Variants in ATP6V0E1 observed in about 807,000 individuals in gnomAD.
ATP6V0E1 encodes V-type proton ATPase subunit e 1.
A neutral mutation model predicts 11.6 loss-of-function variants in ATP6V0E1; 4 were observed. The observed-to-expected ratio is 0.35, with a 90% CI of 0.17 to 0.79. ATP6V0E1 has a LOEUF of 0.79. Ranked by LOEUF, ATP6V0E1 falls within the 30% of genes least tolerant of loss-of-function variation. The pLI is 0.54. For missense variants in ATP6V0E1, 105 were observed against 100.0 expected (o/e 1.05, Z -0.21); for synonymous variants, 36 against 34.8 (o/e 1.04, Z -0.13).
intron 1 of ATP6V0E1, among the ~76,000 whole-genome samples, chr5:172,993,465 C>A (rs2113582252): frequency 6.6e-6 from 1 of 152,162 alleles, no homozygotes; most frequent in Middle Eastern, 3.4e-3. Context: ...AAGATTGTGC[C>A]ACTGCACTCC....
At chr5:172,992,076 A>G (rs1048370082) in intron 1 of ATP6V0E1, among the ~76,000 whole-genome samples, 11 of 146,094 alleles carry the variant, frequency 7.5e-5, no homozygotes, top group Non-Finnish European at 1.5e-4. Context: ...TTTGAGACGG[A>G]GTCTCGCTCT....
intron 1 of ATP6V0E1, among the ~76,000 whole-genome samples, chr5:172,986,362 C>T (rs750837147): frequency 6.6e-5 from 10 of 152,136 alleles, no homozygotes; most frequent in African/African-American, 9.7e-5. Flanking sequence ...AGGCTGGGCA[C>T]GGTGGCTCAC....
At chr5:172,994,373 T>G (rs1195219511) in intron 1 of ATP6V0E1, among the ~76,000 whole-genome samples, 1 of 152,174 alleles carries the variant, frequency 6.6e-6, no homozygotes, top group Non-Finnish European at 1.5e-5. Flanking sequence ...TTTTCAGACA[T>G]GAATGGAGAT....
At chr5:173,021,734 A>G (rs1257958483) in intron 3 of ATP6V0E1, among the ~76,000 whole-genome samples, 1 of 152,144 alleles carries the variant, frequency 6.6e-6, no homozygotes, top group East Asian at 1.9e-4. Context: ...ATATAATCCA[A>G]GCCATATCAG....
intron 2 of ATP6V0E1, among the ~76,000 whole-genome samples, chr5:173,002,730 G>A (rs1756177895): frequency 6.6e-6 from 1 of 152,242 alleles, no homozygotes; most frequent in Non-Finnish European, 1.5e-5. Context: ...GCTCATGCCT[G>A]TAATCTCAGC....
chr5:173,030,511 G>A (rs1280319859), intron 3 of ATP6V0E1, among the ~76,000 whole-genome samples: 4 of 150,578 alleles, frequency 2.7e-5, no homozygotes, highest in African/African-American at 9.8e-5. Context: ...CATGATCTTG[G>A]CTTACTGCAA....
At position 172,998,275 on chromosome 5, in the gene ATP6V0E1, G is replaced by T. The variant is rs1756098247; in HGVS notation, c.152+3453G>T. On this transcript the variant is annotated intron_variant, in intron 2 of 3. Transcript: ENST00000519374. Reference sequence around the variant, plus strand: ...TAGCCTCCAGAGTGGAACACAGGTTGCATGTGGAGGGAATTCTTATCACTG... The same window carrying T: ...TAGCCTCCAGAGTGGAACACAGGTTTCATGTGGAGGGAATTCTTATCACTG... 3.6e-5 allele frequency among the ~76,000 whole-genome samples: 5 copies of T among 140,654 alleles called. No individual in the cohort carries two copies. In the Admixed American group the frequency reaches 3.8e-4, roughly 11 times the overall value. 92.3% of individuals were successfully genotyped at this position (140,654 alleles called of 152,430 possible).
chr5:173,017,840 C>CAAAAAAAAAAA (rs538210275), intron 2 of ATP6V0E1, among the ~76,000 whole-genome samples: 4 of 66,532 alleles, frequency 6.0e-5, no homozygotes, highest in Admixed American at 1.8e-4. Context: ...GACTCCTTCT[C>CAAAAAAAAAAA]AAAAAAAAAA....
At chr5:173,027,223 C>T (rs1756576537) in intron 3 of ATP6V0E1, among the ~76,000 whole-genome samples, 1 of 132,716 alleles carries the variant, frequency 7.5e-6, no homozygotes, top group Non-Finnish European at 1.6e-5. Context: ...CACGGTGGCT[C>T]ACGCCTGTAA....
intron 3 of ATP6V0E1, among the ~76,000 whole-genome samples, chr5:173,029,089 C>T (rs1361217805): frequency 3.3e-5 from 5 of 152,144 alleles, no homozygotes; most frequent in African/African-American, 1.2e-4. Context: ...GATAATTAGG[C>T]CTCTGCCCTG....
chr5:172,985,034 C>T (rs1488814110), intron 1 of ATP6V0E1, among the ~76,000 whole-genome samples: 1 of 152,154 alleles, frequency 6.6e-6, no homozygotes, highest in African/African-American at 2.4e-5. Flanking sequence ...ATCACGAGGT[C>T]AGGAGATCGA....
chr5:173,004,127 T>C (rs1186473480), intron 2 of ATP6V0E1, among the ~76,000 whole-genome samples: 2 of 152,142 alleles, frequency 1.3e-5, no homozygotes, highest in Non-Finnish European at 2.9e-5. Context: ...TGATGTTGTG[T>C]AGATGAGGAA....
chr5:172,997,512 A>C (rs1208357665), intron 2 of ATP6V0E1, among the ~76,000 whole-genome samples: 2 of 152,198 alleles, frequency 1.3e-5, no homozygotes, highest in Non-Finnish European at 2.9e-5. Flanking sequence ...TTGGAAGTGA[A>C]AGACTAAAGG....
intron 2 of ATP6V0E1, among the ~76,000 whole-genome samples, chr5:173,002,506 T>C (rs1408833759): frequency 6.6e-6 from 1 of 152,240 alleles, no homozygotes; most frequent in African/African-American, 2.4e-5. Context: ...TTCTGTATTT[T>C]CTATGAATTG....
Position 173,020,272 on chromosome 5 carries a change from C to G in ATP6V0E1, c.187C>G (p.Leu63Val). 2 of 1,614,020 alleles carry G rather than the reference C, an allele frequency of 1.2e-6. No homozygotes were observed. Among genetic ancestry groups the G allele is most frequent in the South Asian group, 1.1e-5 (1 of 91,078 alleles). ...TGCAATTCTGGCCCAACTCAACCCTCTCTTTGGACCGCAATTGAAAAATGA... is the reference window on the plus strand; with the variant it reads ...TGCAATTCTGGCCCAACTCAACCCTGTCTTTGGACCGCAATTGAAAAATGA... ...LIAILAQLNP[L>V]FGPQLKNETI... Residue 63 changes from leucine (L) to valine (V), a missense_variant, in exon 3 of 4, where the codon CTC (leucine) becomes GTC (valine). Transcript: ENST00000519374.
chr5:173,020,254 C>T lies in ATP6V0E1; in HGVS notation c.169C>T (p.Leu57=). The part of the protein sequence containing the change: ...CCYLFWLIAI[L]AQLNPLFGPQ... ...TTCTTTTAGTTGGCTGATTGCAATT[C>T]TGGCCCAACTCAACCCTCTCTTTGG... The change falls in exon 3 of 4, where the codon CTG becomes TTG. Residue 57 remains leucine (L), a synonymous_variant. Coordinates refer to ENST00000519374, the MANE Select transcript of ATP6V0E1 (RefSeq NM_003945.4). 6.2e-7 allele frequency: 1 copy of T among 1,613,588 alleles called. No individual in the cohort carries two copies. The highest frequency in any genetic ancestry group is 1.1e-5 in the South Asian group (1 of 91,062).
intron 3 of ATP6V0E1, among the ~76,000 whole-genome samples, chr5:173,029,461 C>T (rs2113616057): frequency 1.3e-5 from 2 of 152,254 alleles, no homozygotes; most frequent in Admixed American, 1.3e-4. Flanking sequence ...TTCCATTCCT[C>T]CTTCAGGCAC....
intron 3 of ATP6V0E1, 175 bp downstream of exon 3, chr5:173,020,542 C>A: frequency 1.7e-6 from 1 of 573,366 alleles, no homozygotes; most frequent in Non-Finnish European, 3.1e-6. Context: ...ACCTAAATCT[C>A]ATTAAGATTC....
chr5:173,022,352 A>G (rs1211362316), intron 3 of ATP6V0E1, among the ~76,000 whole-genome samples: 1 of 152,216 alleles, frequency 6.6e-6, no homozygotes, highest in Non-Finnish European at 1.5e-5. Context: ...AGGTAATGAC[A>G]GCCTGGTTCC....
Sources: gnomAD v4.1 joint callset for allele counts (sites outside exome capture counted in the v4.1 genomes callset) on GRCh38, gnomAD v4.1.1 for gene constraint, MANE v1.5 for transcripts, NCBI Gene and HGNC (gene_info 2026-07-23, HGNC 2026-07-21) for gene names.